NR5A2: variants seen among roughly 807,000 people sequenced by gnomAD.
NR5A2 encodes the protein nuclear receptor subfamily 5 group A member 2.
NR5A2 carries 26 observed loss-of-function variants against 62.7 expected under a neutral mutation model. The observed-to-expected ratio is 0.41, with a 90% CI of 0.30 to 0.58. The LOEUF (loss-of-function observed/expected upper bound fraction) is 0.58. Ranked by LOEUF, NR5A2 falls within the 20% of genes least tolerant of loss-of-function variation. NR5A2 has a pLI of 0.22. For missense variants in NR5A2, 541 were observed against 669.1 expected (o/e 0.81, Z 2.11); for synonymous variants, 246 against 241.7 (o/e 1.02, Z -0.16).
intron 7 of NR5A2, among the ~76,000 whole-genome samples, chr1:200,164,867 GTTTT>G (rs56818276): frequency 1.6e-5 from 1 of 63,896 alleles, no homozygotes; most frequent in Non-Finnish European, 2.7e-5. Flanking sequence ...TTTTAGAGCA[GTTTT>G]TTTTTTTTTT....
At position 200,175,960 on chromosome 1, in the gene NR5A2, A is replaced by G. The variant is rs568055522; in HGVS notation, c.*1750A>G. The stretch of plus-strand genomic sequence containing the variant: ...CTGTAGACAATTATGATGCTAATTT[A>G]TTGTTTCTTGGTTTCACCTTTGTAT... On this transcript the variant is annotated 3_prime_UTR_variant, in exon 8 of 8. Coordinates refer to ENST00000367362, the MANE Select transcript of NR5A2 (RefSeq NM_205860.3). The G allele has an allele frequency of 1.3e-5, 2 of 152,676 alleles. No individual in the cohort carries two copies. The highest frequency in any genetic ancestry group is 1.5e-5 in the Non-Finnish European group (1 of 67,994). The allele number at this position is 152,676 out of a possible 1,614,324, so 9.5% of individuals were successfully genotyped here. A position where few individuals can be genotyped will look rare whatever the true frequency, so the allele number is the denominator to read the frequency against.
intron 5 of NR5A2, among the ~76,000 whole-genome samples, chr1:200,099,729 G>C (rs1439004999): frequency 6.6e-6 from 1 of 152,134 alleles, no homozygotes; most frequent in Non-Finnish European, 1.5e-5. Flanking sequence ...AAATAGCTGG[G>C]ACTACAGGCA....
chr1:200,093,814 T>G (rs1319555833), intron 5 of NR5A2, among the ~76,000 whole-genome samples: 1 of 152,182 alleles, frequency 6.6e-6, no homozygotes, highest in Non-Finnish European at 1.5e-5. Context: ...GCCCAAACTT[T>G]CGCAAAATTG....
At chr1:200,151,569 A>G (rs1383842715) in intron 7 of NR5A2, among the ~76,000 whole-genome samples, 1 of 152,210 alleles carries the variant, frequency 6.6e-6, no homozygotes, top group Admixed American at 6.5e-5. Context: ...CTGCATTAGA[A>G]AAATCAACTA....
At chr1:200,084,472 T>C (rs537231561) in intron 5 of NR5A2, among the ~76,000 whole-genome samples, 1 of 152,344 alleles carries the variant, frequency 6.6e-6, no homozygotes, top group African/African-American at 2.4e-5. Flanking sequence ...GGTAGATTTA[T>C]AGTTAGTAAC....
Position 200,111,187 on chromosome 1 carries a change from C to CTAT in NR5A2, c.1111-13_1111-11dup, listed in dbSNP as rs1333170105. The CTAT allele has an allele frequency of 7.5e-6, 12 of 1,599,478 alleles. No homozygotes were observed. Among genetic ancestry groups the CTAT allele is most frequent in the Admixed American group, 3.6e-5 (2 of 56,318 alleles). On this transcript the variant is annotated splice_polypyrimidine_tract_variant and intron_variant, in intron 5 of 7. Transcript: ENST00000367362. ...TTTTGTTTTTTTTGTTTGTTTGTTT[C>CTAT]TATTTCTTTTGCAGGTTGATGACCA...
intron 7 of NR5A2, among the ~76,000 whole-genome samples, chr1:200,151,543 C>T (rs1002136231): frequency 7.9e-5 from 12 of 152,172 alleles, no homozygotes; most frequent in African/African-American, 2.9e-4. Flanking sequence ...CAACACTCAA[C>T]TGTTTTTTTC....
At chr1:200,060,073 G>A (rs549444891) in intron 5 of NR5A2, among the ~76,000 whole-genome samples, 23 of 152,220 alleles carry the variant, frequency 1.5e-4, no homozygotes, top group African/African-American at 5.1e-4. Flanking sequence ...TGGCATGGGC[G>A]CCCTGGCTGG....
At chr1:200,038,876 G>A (rs569391456) in intron 1 of NR5A2, 10 of 687,384 alleles carry the variant, frequency 1.5e-5, no homozygotes, top group African/African-American at 1.4e-4. Flanking sequence ...ACTGGAGCCT[G>A]AGCCTCATCC....
intron 5 of NR5A2, among the ~76,000 whole-genome samples, chr1:200,091,185 G>A (rs1203805765): frequency 6.6e-6 from 1 of 152,120 alleles, no homozygotes; most frequent in Non-Finnish European, 1.5e-5. Context: ...TGTAATATTT[G>A]ATCAAGCTAG....
intron 4 of NR5A2, among the ~76,000 whole-genome samples, chr1:200,047,670 G>A (rs1171585188): frequency 6.6e-6 from 1 of 151,100 alleles, no homozygotes; most frequent in South Asian, 2.1e-4. Context: ...TCCACTTCCC[G>A]GGTTCAAGCG....
At chr1:200,090,654 T>C (rs1181873351) in intron 5 of NR5A2, among the ~76,000 whole-genome samples, 3 of 152,336 alleles carry the variant, frequency 2.0e-5, no homozygotes, top group East Asian at 1.9e-4. Context: ...AATTTTCAAA[T>C]CAGTAAGTAA....
rs972052278 is a variant in NR5A2 at position 200,176,173 on chromosome 1, T to G, written c.*1963T>G. 3 of 152,602 alleles carry G rather than the reference T, an allele frequency of 2.0e-5. No individual in the cohort carries two copies. Among genetic ancestry groups the G allele is most frequent in the African/African-American group, 7.2e-5 (3 of 41,458 alleles). The allele number at this position is 152,602 out of a possible 1,614,324, so 9.5% of individuals were successfully genotyped here. ...AATATCTATTGTAAATTATGTGACT[T>G]GTAGCTTCCTCTGGTTTTCAAGTAA... On this transcript the variant is annotated 3_prime_UTR_variant, in exon 8 of 8. Coordinates refer to ENST00000367362, the MANE Select transcript of NR5A2 (RefSeq NM_205860.3).
chr1:200,074,922 G>T (rs1028837777), intron 5 of NR5A2, among the ~76,000 whole-genome samples: 1 of 151,452 alleles, frequency 6.6e-6, no homozygotes, highest in Non-Finnish European at 1.5e-5. Context: ...GGGTTTACAC[G>T]TGAAATTATG....
At chr1:200,061,870 TG>T (rs1663235633) in intron 5 of NR5A2, among the ~76,000 whole-genome samples, 1 of 152,232 alleles carries the variant, frequency 6.6e-6, no homozygotes, top group Non-Finnish European at 1.5e-5. Context: ...CTAAATGCCC[TG>T]TTTATAGCAT....
chr1:200,030,463 CACT>C (rs1474524904), intron 1 of NR5A2, among the ~76,000 whole-genome samples: 1 of 152,190 alleles, frequency 6.6e-6, no homozygotes, highest in African/African-American at 2.4e-5. Flanking sequence ...AAAAGCAGCA[CACT>C]CAGGTTATAA....
chr1:200,141,518 C>T (rs1667442976), intron 7 of NR5A2, among the ~76,000 whole-genome samples: 1 of 152,110 alleles, frequency 6.6e-6, no homozygotes, highest in Non-Finnish European at 1.5e-5. Flanking sequence ...TATTGAAAGA[C>T]ATTTGAGTTG....
intron 6 of NR5A2, among the ~76,000 whole-genome samples, chr1:200,117,716 C>CTTT (rs1666289898): frequency 6.7e-6 from 1 of 150,202 alleles, no homozygotes; most frequent in Admixed American, 6.7e-5. Context: ...ATTTTTTTTT[C>CTTT]TTTTCTTTTT....
chr1:200,080,518 G>C, intron 5 of NR5A2, among the ~76,000 whole-genome samples: 1 of 152,114 alleles, frequency 6.6e-6, no homozygotes, highest in East Asian at 1.9e-4. Context: ...TTTATGGCAA[G>C]CATTAAGGAA....
Sources: gnomAD v4.1 joint callset for allele counts (sites outside exome capture counted in the v4.1 genomes callset) on GRCh38, gnomAD v4.1.1 for gene constraint, MANE v1.5 for transcripts, NCBI Gene and HGNC (gene_info 2026-07-23, HGNC 2026-07-21) for gene names.